The following SLC22A16 variants were observed in gnomAD, a reference collection of about 807,000 sequenced individuals.
The protein encoded by SLC22A16 is WUGSC:RG331P03.1.
Under a neutral mutation model 52.9 loss-of-function variants are expected in SLC22A16, and 53 were observed. That is an observed-to-expected ratio of 1.00 (90% CI 0.80 to 1.26). The LOEUF (loss-of-function observed/expected upper bound fraction) is 1.26. SLC22A16 is among the 50% of genes most tolerant of loss of function. The pLI is 0.00. For synonymous variants in SLC22A16, 291 were observed against 268.8 expected (o/e 1.08, Z -0.81); for missense variants, 726 against 704.0 (o/e 1.03, Z -0.35).
At chr6:110,447,660 C>G (rs934142249) in intron 2 of SLC22A16, among the ~76,000 whole-genome samples, 6 of 152,170 alleles carry the variant, frequency 3.9e-5, no homozygotes, top group African/African-American at 1.4e-4. Context: ...CTGCCACCCC[C>G]TCTTCCCTGC....
intron 2 of SLC22A16, among the ~76,000 whole-genome samples, chr6:110,454,642 TATATTTTATATATATTATATATA>T (rs1327346203): frequency 1.2e-4 from 6 of 49,774 alleles, no homozygotes; most frequent in Admixed American, 3.0e-4. Flanking sequence ...ATATATATTA[TATATTTTATATATATTATATATA>T]TTTATATATA....
At chr6:110,458,923 T>C (rs1393112757) in intron 1 of SLC22A16, among the ~76,000 whole-genome samples, 1 of 152,120 alleles carries the variant, frequency 6.6e-6, no homozygotes, top group Admixed American at 6.5e-5. Flanking sequence ...AGCTTGCAGA[T>C]AGTAGGTCAT....
At chr6:110,468,684 G>GAAA (rs1776158262) in intron 1 of SLC22A16, among the ~76,000 whole-genome samples, 1 of 150,598 alleles carries the variant, frequency 6.6e-6, no homozygotes, top group South Asian at 2.1e-4. Context: ...AGAAGAAGAA[G>GAAA]AAGAAAAAGA....
At chr6:110,450,963 A>G (rs972210928) in intron 2 of SLC22A16, among the ~76,000 whole-genome samples, 3 of 152,160 alleles carry the variant, frequency 2.0e-5, no homozygotes, top group African/African-American at 4.8e-5. Flanking sequence ...TCATTTTACT[A>G]CTTTTATAAG....
In SLC22A16 at chr6:110,424,974, C is replaced by T. The variant is rs1238429970; in HGVS notation, c.1633G>A (p.Glu545Lys). ...TWEEAAKLES[E>K]NESKSSKLLL... ...AATTTGCTTGACTTGCTTTCATTCT[C>T]TGACTCCAGTTTTGCAGCCTCCTCC... The change falls in exon 8 of 8, where the codon GAG becomes AAG. Residue 545 changes from glutamate to lysine, a missense_variant. Coordinates refer to ENST00000368919, the MANE Select transcript of SLC22A16 (RefSeq NM_033125.4). The T allele has an allele frequency of 2.5e-6, 4 of 1,614,178 alleles. No individual in the cohort carries two copies. The highest frequency in any genetic ancestry group is 2.5e-6 in the Non-Finnish European group (3 of 1,180,048).
chr6:110,461,567 G>A (rs891636071), intron 1 of SLC22A16, among the ~76,000 whole-genome samples: 2 of 152,110 alleles, frequency 1.3e-5, no homozygotes, highest in African/African-American at 4.8e-5. Flanking sequence ...AAAACCTGCT[G>A]TCAGAAGAGC....
intron 1 of SLC22A16, among the ~76,000 whole-genome samples, chr6:110,462,175 C>T (rs192046499): frequency 1.3e-5 from 2 of 152,184 alleles, no homozygotes; most frequent in African/African-American, 4.8e-5. Flanking sequence ...CACCACATCC[C>T]TCCCACAACA....
intron 1 of SLC22A16, among the ~76,000 whole-genome samples, chr6:110,472,418 T>G (rs1776290519): frequency 1.3e-5 from 2 of 151,988 alleles, no homozygotes; most frequent in Admixed American, 6.6e-5. Flanking sequence ...AACCCAAACT[T>G]CTGATACCCA....
At chr6:110,475,811 A>C (rs1216394977) in intron 1 of SLC22A16, 2 of 417,264 alleles carry the variant, frequency 4.8e-6, no homozygotes, top group East Asian at 1.4e-4. Context: ...AATAATTTAA[A>C]TTTTTTAAAT....
At chr6:110,466,543 A>T (rs778335416) in intron 1 of SLC22A16, among the ~76,000 whole-genome samples, 1 of 152,188 alleles carries the variant, frequency 6.6e-6, no homozygotes, top group Admixed American at 6.5e-5. Flanking sequence ...ATCACTAATC[A>T]TCAGAGAAAT....
chr6:110,446,974 CCA>C lies in SLC22A16; in HGVS notation c.548_549del (p.Val183GlyfsTer8), dbSNP rs1562287496. On this transcript the variant is annotated frameshift_variant, in exon 3 of 8. Coordinates refer to ENST00000368919, the MANE Select transcript of SLC22A16 (RefSeq NM_033125.4). LOFTEE classifies it high-confidence loss of function. The stretch of plus-strand genomic sequence containing the variant: ...ATGCTACTGCTTGTGGCCCACAAGA[CCA>C]CCCGGCGTCCTAGCCTGAAAAATAA... ...GYFSDRLGRR[V>X]VLWATSSSMF... The C allele has an allele frequency of 6.2e-7, 1 of 1,613,638 alleles. No homozygotes were observed. The highest frequency in any genetic ancestry group is 1.3e-5 in the African/African-American group (1 of 74,974).
At chr6:110,442,991 A>T (rs1414153316) in intron 3 of SLC22A16, among the ~76,000 whole-genome samples, 2 of 152,184 alleles carry the variant, frequency 1.3e-5, no homozygotes, top group East Asian at 3.8e-4. Flanking sequence ...CCAAATGGCA[A>T]AACTTGAGAG....
At chr6:110,463,919 A>C (rs1240124229) in intron 1 of SLC22A16, among the ~76,000 whole-genome samples, 1 of 151,954 alleles carries the variant, frequency 6.6e-6, no homozygotes, top group Non-Finnish European at 1.5e-5. Flanking sequence ...AATGCAAAAA[A>C]AAAAAAGTCA....
chr6:110,466,628 A>G (rs1469417133), intron 1 of SLC22A16, among the ~76,000 whole-genome samples: 1 of 152,094 alleles, frequency 6.6e-6, no homozygotes, highest in Non-Finnish European at 1.5e-5. Flanking sequence ...AAAATAACAG[A>G]TATTAGTGAG....
chr6:110,463,630 A>C (rs369874703), intron 1 of SLC22A16, among the ~76,000 whole-genome samples: 134 of 151,710 alleles, frequency 8.8e-4, no homozygotes, highest in African/African-American at 3.1e-3. Flanking sequence ...CAGAGCACCC[A>C]GATTTATAAA....
chr6:110,427,260 A>AAAAAAAAAAAG lies in SLC22A16; in HGVS notation c.1522-2176_1522-2175insCTTTTTTTTTT, dbSNP rs538137410. On this transcript the variant is annotated intron_variant, in intron 7 of 7. Coordinates refer to ENST00000368919, the MANE Select transcript of SLC22A16 (RefSeq NM_033125.4). ...GAGACCCAATCTCAAAAAAAAAAAA[A>AAAAAAAAAAAG]AAAAGAAAAAAAAGAAAGAAAGAAA... Among the ~76,000 whole-genome samples the AAAAAAAAAAAG allele has an allele frequency of 3.5e-4, 48 of 137,958 alleles. 1 individual carries two copies. The highest frequency in any genetic ancestry group is 1.1e-3 in the East Asian group (5 of 4,726). 90.5% of individuals were successfully genotyped at this position (137,958 alleles called of 152,430 possible). A position where few individuals can be genotyped will look rare whatever the true frequency, so the allele number is the denominator to read the frequency against.
Position 110,442,552 on chromosome 6 carries a change from G to A in SLC22A16, c.875C>T (p.Pro292Leu), listed in dbSNP as rs377679283. 9.9e-5 allele frequency: 159 copies of A among 1,613,976 alleles called. No homozygotes were observed. Among genetic ancestry groups the A allele is most frequent in the Middle Eastern group, 3.3e-4 (2 of 6,084 alleles). Residue 292 changes from proline to leucine, a missense_variant, in exon 4 of 8, where the codon CCT becomes CTT. By Grantham distance (98) the Pro-to-Leu change is moderately conservative (BLOSUM62 -3). Coordinates refer to ENST00000368919, the MANE Select transcript of SLC22A16 (RefSeq NM_033125.4). ...ILCCWVLPET[P>L]FWLLSEGRYE... ...TCGTCCCTCTGAGAGAAGCCAAAAA[G>A]GTGTCTCTGGGAGCACCCAACAGCA... is the stretch of plus-strand genomic sequence containing the variant.
intron 1 of SLC22A16, among the ~76,000 whole-genome samples, chr6:110,474,107 G>A (rs566171307): frequency 6.6e-5 from 10 of 152,282 alleles, no homozygotes; most frequent in African/African-American, 2.4e-4. Flanking sequence ...AGGGATCTAG[G>A]CTGAGTGCTC....
chr6:110,465,922 C>T (rs970757392), intron 1 of SLC22A16, among the ~76,000 whole-genome samples: 6 of 152,118 alleles, frequency 3.9e-5, no homozygotes, highest in African/African-American at 1.4e-4. Context: ...CAGCATGGAA[C>T]TGGTACACAA....
Sources: gnomAD v4.1 joint callset for allele counts (sites outside exome capture counted in the v4.1 genomes callset) on GRCh38, gnomAD v4.1.1 for gene constraint, MANE v1.5 for transcripts, NCBI Gene and HGNC (gene_info 2026-07-23, HGNC 2026-07-21) for gene names.